Variants in RGS20 observed in about 807,000 individuals in gnomAD.
RGS20 encodes the protein gz-selective GTPase-activating protein.
In RGS20, 30 loss-of-function variants were observed where a neutral mutation model predicts 33.6. The observed-to-expected ratio is 0.89, with a 90% CI of 0.67 to 1.21. The LOEUF is 1.21. Ranked by LOEUF, RGS20 falls within the 50% of genes most tolerant of loss-of-function variation. RGS20 has a pLI of 0.00. For synonymous variants in RGS20, 208 were observed against 197.9 expected, an observed-to-expected ratio of 1.05 and a Z score of -0.43; for missense variants, 472 against 502.4, an observed-to-expected ratio of 0.94 and a Z score of 0.58.
At position 53,910,403 on chromosome 8, in the gene RGS20, G is replaced by A. The variant is rs1203796424; in HGVS notation, c.511-29173G>A. Among the ~76,000 whole-genome samples, 8 of 142,200 alleles carry A rather than the reference G, an allele frequency of 5.6e-5. No individual in the cohort carries two copies. In the East Asian group the frequency reaches 1.0e-3, roughly 18 times the overall value. The allele number at this position is 142,200 out of a possible 152,430, so 93.3% of individuals were successfully genotyped here. A position where few individuals can be genotyped will look rare whatever the true frequency, so the allele number is the denominator to read the frequency against. ...AAACCCACCATGAGCTGCCACTTAC[G>A]CCTATTAAAATCGCCAGGAAAAAAA... is the stretch of plus-strand genomic sequence containing the variant. On this transcript the variant is annotated intron_variant, in intron 2 of 5. Coordinates refer to ENST00000297313, the MANE Select transcript of RGS20 (RefSeq NM_170587.4).
At chr8:53,890,795 AT>A (rs1812691691) in intron 2 of RGS20, among the ~76,000 whole-genome samples, 3 of 152,232 alleles carry the variant, frequency 2.0e-5, no homozygotes, top group Admixed American at 2.0e-4. Flanking sequence ...TCACCTGACC[AT>A]TTTTTACAAA....
intron 2 of RGS20, among the ~76,000 whole-genome samples, chr8:53,935,749 G>C (rs1814112079): frequency 1.3e-5 from 2 of 152,120 alleles, no homozygotes; most frequent in South Asian, 2.1e-4. Flanking sequence ...AACTCATTTT[G>C]AGTCCAGCAT....
intron 2 of RGS20, among the ~76,000 whole-genome samples, chr8:53,929,045 A>C (rs1231639675): frequency 6.6e-6 from 1 of 152,210 alleles, no homozygotes; most frequent in African/African-American, 2.4e-5. Context: ...ACCAGACCAC[A>C]ATAAAAGATG....
chr8:53,880,652 C>G (rs971673310), intron 2 of RGS20, among the ~76,000 whole-genome samples: 1 of 152,148 alleles, frequency 6.6e-6, no homozygotes, highest in Non-Finnish European at 1.5e-5. Flanking sequence ...GAGGGCTTCG[C>G]GGACGCCCTC....
At chr8:53,955,220 T>A (rs1041712405) in intron 5 of RGS20, among the ~76,000 whole-genome samples, 2 of 151,240 alleles carry the variant, frequency 1.3e-5, no homozygotes, top group Non-Finnish European at 2.9e-5. Context: ...TGCAGAGGGC[T>A]CCAAGTGTCC....
At chr8:53,945,003 T>C (rs1342418050) in intron 3 of RGS20, among the ~76,000 whole-genome samples, 6 of 152,186 alleles carry the variant, frequency 3.9e-5, no homozygotes, top group Non-Finnish European at 8.8e-5. Context: ...CCCTCAAATA[T>C]TACCATGTGA....
chr8:53,935,383 G>C (rs1271782929), intron 2 of RGS20, among the ~76,000 whole-genome samples: 1 of 152,066 alleles, frequency 6.6e-6, no homozygotes, highest in Non-Finnish European at 1.5e-5. Context: ...AGAAAAGACA[G>C]GAGAATCAAA....
intron 4 of RGS20, among the ~76,000 whole-genome samples, chr8:53,949,450 C>T (rs557290444): frequency 2.0e-5 from 3 of 151,800 alleles, no homozygotes; most frequent in Non-Finnish European, 4.4e-5. Context: ...GGCACGGTGG[C>T]TCACACCTGT....
intron 2 of RGS20, among the ~76,000 whole-genome samples, chr8:53,884,514 CAAA>C (rs1416937991): frequency 6.6e-6 from 1 of 152,102 alleles, no homozygotes; most frequent in Admixed American, 6.6e-5. Context: ...CCCCTTATAT[CAAA>C]AATACAGAAT....
At chr8:53,868,266 T>G (rs952082486) in intron 1 of RGS20, among the ~76,000 whole-genome samples, 1 of 152,200 alleles carries the variant, frequency 6.6e-6, no homozygotes, top group African/African-American at 2.4e-5. Flanking sequence ...AGTACTTAAT[T>G]ACTCCTAGAA....
chr8:53,877,352 G>T lies in RGS20; in HGVS notation c.166-1906G>T, dbSNP rs1257534187. Among the ~76,000 whole-genome samples, 1 of 152,180 alleles carries T rather than the reference G, an allele frequency of 6.6e-6. No homozygotes were observed. The highest frequency in any genetic ancestry group is 2.4e-5 in the African/African-American group (1 of 41,452). Reference sequence around the variant, plus strand: ...GAGGGCCCTCGCTCCGGAGTGGGGCGCAGACGCGGCCGCCGGCCCGCAGTC... The same window carrying T: ...GAGGGCCCTCGCTCCGGAGTGGGGCTCAGACGCGGCCGCCGGCCCGCAGTC... On this transcript the variant is annotated intron_variant, in intron 1 of 5. Coordinates refer to ENST00000297313, the MANE Select transcript of RGS20 (RefSeq NM_170587.4). This position sits in a 1 kb window ranked among gnomAD's most constrained non-coding sequence, Gnocchi z 5.7.
At chr8:53,953,983 T>G in intron 4 of RGS20, 93 bp from the exon 4 acceptor site, 1 of 892,432 alleles carries the variant, frequency 1.1e-6, no homozygotes, top group South Asian at 1.4e-5. Context: ...TTTTTCATTC[T>G]TGGAGGAGGA....
At chr8:53,947,850 A>G (rs1240398492) in intron 4 of RGS20, among the ~76,000 whole-genome samples, 2 of 138,292 alleles carry the variant, frequency 1.4e-5, no homozygotes, top group African/African-American at 5.2e-5. Flanking sequence ...TATAGGATAT[A>G]GTATATACAT....
At position 53,877,350 on chromosome 8, in the gene RGS20, G is replaced by T. The variant is rs537551608; in HGVS notation, c.166-1908G>T. 6.6e-6 allele frequency among the ~76,000 whole-genome samples: 1 copy of T among 152,192 alleles called. No individual in the cohort carries two copies. The highest frequency in any genetic ancestry group is 1.5e-5 in the Non-Finnish European group (1 of 68,022). On this transcript the variant is annotated intron_variant, in intron 1 of 5. Transcript: ENST00000297313. The surrounding 1 kb of genome is among the most constrained non-coding windows in gnomAD (Gnocchi z 5.7). ...CCGAGGGCCCTCGCTCCGGAGTGGG[G>T]CGCAGACGCGGCCGCCGGCCCGCAG...
intron 5 of RGS20, among the ~76,000 whole-genome samples, chr8:53,957,386 T>C (rs564450580): frequency 2.0e-4 from 31 of 152,330 alleles, no homozygotes; most frequent in African/African-American, 6.0e-4. Context: ...TGAGCCACCA[T>C]ACCCAGGCAG....
At chr8:53,915,035 C>G (rs1166771912) in intron 2 of RGS20, among the ~76,000 whole-genome samples, 5 of 151,780 alleles carry the variant, frequency 3.3e-5, no homozygotes, top group Non-Finnish European at 7.4e-5. Context: ...ATCCCAGTTA[C>G]TTGAGAGGCT....
At chr8:53,870,313 T>G (rs958745180) in intron 1 of RGS20, among the ~76,000 whole-genome samples, 1 of 152,148 alleles carries the variant, frequency 6.6e-6, no homozygotes, top group African/African-American at 2.4e-5. Flanking sequence ...AACAAAGAGT[T>G]AGACACCAGC....
intron 2 of RGS20, among the ~76,000 whole-genome samples, chr8:53,919,329 T>A (rs1202933139): frequency 6.6e-6 from 1 of 151,824 alleles, no homozygotes; most frequent in Admixed American, 6.5e-5. Context: ...TTTCCCACTC[T>A]GTGGGTTGTC....
intron 1 of RGS20, among the ~76,000 whole-genome samples, chr8:53,868,870 A>C (rs1293152869): frequency 6.6e-6 from 1 of 152,066 alleles, no homozygotes; most frequent in Non-Finnish European, 1.5e-5. Flanking sequence ...ATTCTGCCTC[A>C]GTCTCCCAAG....
Sources: gnomAD v4.1 joint callset for allele counts (sites outside exome capture counted in the v4.1 genomes callset) on GRCh38, gnomAD v4.1.1 for gene constraint, Gnocchi (gnomAD v3.1) non-coding constraint, MANE v1.5 for transcripts, NCBI Gene and HGNC (gene_info 2026-07-23, HGNC 2026-07-21) for gene names.